Variants in ARL10 observed in about 807,000 individuals in gnomAD.
ARL10 encodes the protein ADP-ribosylation factor-like protein 10.
ARL10 carries 23 observed loss-of-function variants against 26.1 expected under a neutral mutation model. The observed-to-expected ratio is 0.88, with a 90% CI of 0.63 to 1.25. The LOEUF is 1.25. Among genes scored for constraint, ARL10 ranks in the 50% most tolerant of loss-of-function variants. ARL10 has a pLI of 0.00. For synonymous variants in ARL10, 138 were observed against 149.1 expected (o/e 0.93, Z 0.54); for missense variants, 300 against 323.6 (o/e 0.93, Z 0.56).
At chr5:176,395,015 G>A (rs1331601265) in intron 1 of ARL10, among the ~76,000 whole-genome samples, 1 of 152,022 alleles carries the variant, frequency 6.6e-6, no homozygotes, top group Non-Finnish European at 1.5e-5. Flanking sequence ...TCAAGTCTGA[G>A]CTCAGCCTTG....
chr5:176,412,044 C>T, the ARL10 span, among the ~76,000 whole-genome samples: 32 of 152,064 alleles, frequency 2.1e-4, no homozygotes, highest in Admixed American at 9.8e-4. Context: ...GGCGTGGTGG[C>T]AGGCGCCTGT....
Position 176,372,070 on chromosome 5 carries a change from G to T in ARL10, c.*175G>T. 1 of 1,430,226 alleles carries T rather than the reference G, an allele frequency of 7.0e-7. No homozygotes were observed. Among genetic ancestry groups the T allele is most frequent in the South Asian group, 1.5e-5 (1 of 66,110 alleles). 88.6% of individuals were successfully genotyped at this position (1,430,226 alleles called of 1,614,324 possible). On this transcript the variant is annotated 3_prime_UTR_variant, in exon 4 of 4. Transcript: ENST00000310389. ...CAAGAACCATGCAGAAGCCTTCCTG[G>T]TGAGGTGGCCGTGAAGCCGAAGCAG... is the stretch of plus-strand genomic sequence containing the variant.
intron 1 of ARL10, among the ~76,000 whole-genome samples, chr5:176,395,378 G>A (rs981188088): frequency 3.9e-5 from 6 of 152,110 alleles, no homozygotes; most frequent in African/African-American, 9.7e-5. Flanking sequence ...TGAGGGGGGC[G>A]GCCTGTGGGT....
chr5:176,398,187 A>G (rs1756646576), intron 1 of ARL10: 1 of 706,588 alleles, frequency 1.4e-6, no homozygotes, highest in East Asian at 2.7e-5. Flanking sequence ...GACTACACCT[A>G]TCTTTGCACT....
chr5:176,390,360 C>T (rs115512823), downstream of ARL10, among the ~76,000 whole-genome samples: 1,693 of 152,038 alleles, frequency 0.011, 29 homozygotes, highest in African/African-American at 0.038. Flanking sequence ...GAGGGTTCTG[C>T]CCTCCACTCC....
At chr5:176,411,229 G>A in the ARL10 span, among the ~76,000 whole-genome samples, 2 of 152,102 alleles carry the variant, frequency 1.3e-5, no homozygotes, top group Non-Finnish European at 2.9e-5. Context: ...CCATTCACAG[G>A]CCCCCTTGAC....
At chr5:176,386,697 C>T (rs769016540), downstream of ARL10, 5 of 773,190 alleles carry the variant, frequency 6.5e-6, no homozygotes, top group Non-Finnish European at 1.2e-5. Flanking sequence ...GGACACAGTC[C>T]TAACTCTGTG....
intron 1 of ARL10, chr5:176,388,167 G>T (rs1756038785): frequency 8.2e-7 from 1 of 1,219,112 alleles, no homozygotes; most frequent in South Asian, 1.3e-5. Context: ...ACCACGTTCT[G>T]ACACCTAGGT....
the ARL10 span, among the ~76,000 whole-genome samples, chr5:176,413,836 G>A: frequency 6.6e-6 from 1 of 152,176 alleles, no homozygotes; most frequent in Non-Finnish European, 1.5e-5. Context: ...CAACTAAGGA[G>A]GGCAGCTGAG....
chr5:176,386,734 T>C, downstream of ARL10: 1 of 971,546 alleles, frequency 1.0e-6, no homozygotes, highest in South Asian at 1.3e-5. Context: ...ACTTCTCCCC[T>C]CTGAAACTTG....
chr5:176,410,211 C>G, the ARL10 span: 17 of 1,557,702 alleles, frequency 1.1e-5, no homozygotes, highest in African/African-American at 2.7e-5. Flanking sequence ...GTTACTGAGA[C>G]CAGGGCTGTT....
chr5:176,404,649 C>G (rs1031579402), downstream of ARL10, among the ~76,000 whole-genome samples: 2 of 152,202 alleles, frequency 1.3e-5, no homozygotes, highest in Admixed American at 1.3e-4. Context: ...CAAACTGGGC[C>G]CACATCTCCG....
chr5:176,381,686 G>C lies in ARL10; in HGVS notation c.*9791G>C, dbSNP rs1291121552. On this transcript the variant is annotated 3_prime_UTR_variant, in exon 4 of 4. Coordinates refer to ENST00000310389, the MANE Select transcript of ARL10 (RefSeq NM_173664.6). ...AGTAGACTCTTACATCAGGTTGCAG[G>C]GTGTTTACACATTAAGTTAGGTTAT... 2.0e-5 allele frequency: 3 copies of C among 152,146 alleles called. No homozygotes were observed. The highest frequency in any genetic ancestry group is 2.9e-5 in the Non-Finnish European group (2 of 68,044). 9.4% of individuals were successfully genotyped at this position (152,146 alleles called of 1,614,324 possible). A position where few individuals can be genotyped will look rare whatever the true frequency, so the allele number is the denominator to read the frequency against.
In ARL10 at chr5:176,371,665, G is replaced by A. The variant is rs983497207; in HGVS notation, c.562-57G>A. On this transcript the variant is annotated intron_variant, in intron 3 of 3. Coordinates refer to ENST00000310389, the MANE Select transcript of ARL10 (RefSeq NM_173664.6). ...ACAGTGTGTTTCATGAACGACAAGGGTGTCAGTGTGTTAGGAAATGCTGCC... is the reference window on the plus strand; with the variant it reads ...ACAGTGTGTTTCATGAACGACAAGGATGTCAGTGTGTTAGGAAATGCTGCC... 29 of 1,467,416 alleles carry A rather than the reference G, an allele frequency of 2.0e-5. No homozygotes were observed. The Admixed American group carries it at 3.7e-4, about 19-fold the overall frequency. The allele number at this position is 1,467,416 out of a possible 1,614,324, so 90.9% of individuals were successfully genotyped here.
chr5:176,391,260 G>A (rs970960862), downstream of ARL10, among the ~76,000 whole-genome samples: 1 of 152,198 alleles, frequency 6.6e-6, no homozygotes, highest in Admixed American at 6.5e-5. Context: ...ACCACTGTTT[G>A]TAAGTGTTGG....
At chr5:176,397,280 G>A (rs1756569117) in intron 1 of ARL10, among the ~76,000 whole-genome samples, 1 of 151,780 alleles carries the variant, frequency 6.6e-6, no homozygotes, top group African/African-American at 2.4e-5. Flanking sequence ...GGGAGCACTG[G>A]GCAGTGTTCA....
downstream of ARL10, chr5:176,384,832 G>A (rs1347804434): frequency 9.3e-6 from 4 of 432,272 alleles, no homozygotes. Context: ...GCCAGCTGAG[G>A]AGCTCATGAC....
At chr5:176,397,818 A>T (rs879717555) in intron 1 of ARL10, 14 of 1,461,310 alleles carry the variant, frequency 9.6e-6, no homozygotes, top group Non-Finnish European at 1.3e-5. Flanking sequence ...ACAGGGCCGC[A>T]CCGGCCCAGT....
downstream of ARL10, among the ~76,000 whole-genome samples, chr5:176,406,859 G>A (rs1016867520): frequency 1.3e-5 from 2 of 152,232 alleles, no homozygotes; most frequent in Non-Finnish European, 2.9e-5. Flanking sequence ...TTCCACCTGT[G>A]ACCCAGGCGC....
Sources: gnomAD v4.1 joint callset for allele counts (sites outside exome capture counted in the v4.1 genomes callset) on GRCh38, gnomAD v4.1.1 for gene constraint, MANE v1.5 for transcripts, NCBI Gene and HGNC (gene_info 2026-07-23, HGNC 2026-07-21) for gene names.